The following TMEM209 variants were observed in gnomAD, a reference collection of about 807,000 sequenced individuals.
The protein encoded by TMEM209 is testicular tissue protein Li 202.
Under a neutral mutation model 76.2 loss-of-function variants are expected in TMEM209, and 65 were observed. That is an observed-to-expected ratio of 0.85 (90% CI 0.70 to 1.05). TMEM209 has a LOEUF of 1.05. Ranked by LOEUF, TMEM209 falls within the 50% of genes least tolerant of loss-of-function variation. The probability of loss-of-function intolerance (pLI) is 0.00; values close to 1 mark genes in which losing one functional copy is unlikely to be tolerated. For missense variants in TMEM209, 623 were observed against 685.5 expected (o/e 0.91, Z 1.02); for synonymous variants, 239 against 237.6 (o/e 1.01, Z -0.06).
At chr7:130,176,280 T>A (rs113590444) in intron 10 of TMEM209, among the ~76,000 whole-genome samples, 22,348 of 144,648 alleles carry the variant, frequency 0.15, 2,205 homozygotes, top group Middle Eastern at 0.24. Context: ...GCCCAGCTAA[T>A]TTTTTTTTTT....
At chr7:130,168,875 A>AC (rs1238259505) in intron 14 of TMEM209, among the ~76,000 whole-genome samples, 3 of 152,104 alleles carry the variant, frequency 2.0e-5, no homozygotes, top group African/African-American at 7.2e-5. Flanking sequence ...AAAATAAAAA[A>AC]CCCTGTTAGT....
chr7:130,167,427 T>A (rs892425712), intron 14 of TMEM209, among the ~76,000 whole-genome samples: 1 of 152,160 alleles, frequency 6.6e-6, no homozygotes, highest in African/African-American at 2.4e-5. Context: ...TGTTTGTACA[T>A]GAGTCTAAGC....
intron 1 of TMEM209, 179 bp downstream of exon 1, chr7:130,205,194 C>A: frequency 6.5e-7 from 1 of 1,532,042 alleles, no homozygotes; most frequent in Non-Finnish European, 8.7e-7. Flanking sequence ...GCTTCCCTCC[C>A]CGGCTCCTGG....
intron 8 of TMEM209, among the ~76,000 whole-genome samples, chr7:130,183,037 T>C (rs896904160): frequency 6.6e-6 from 1 of 152,188 alleles, no homozygotes; most frequent in African/African-American, 2.4e-5. Flanking sequence ...AAACTCTAAA[T>C]TTTATAGCAC....
At chr7:130,177,819 A>T (rs1035819177) in intron 10 of TMEM209, among the ~76,000 whole-genome samples, 5 of 152,164 alleles carry the variant, frequency 3.3e-5, no homozygotes. Flanking sequence ...TCCTGCTCTA[A>T]CCTTAGGGGA....
At chr7:130,171,493 A>G (rs986423100) in intron 13 of TMEM209, among the ~76,000 whole-genome samples, 2 of 151,202 alleles carry the variant, frequency 1.3e-5, no homozygotes, top group African/African-American at 2.4e-5. Flanking sequence ...AAGAACAAGG[A>G]AAAAAAAACA....
intron 13 of TMEM209, among the ~76,000 whole-genome samples, chr7:130,173,327 G>C (rs1009457893): frequency 1.3e-5 from 2 of 152,082 alleles, no homozygotes; most frequent in African/African-American, 4.8e-5. Context: ...GGGTGACAGA[G>C]CTAGACTCTG....
At chr7:130,186,122 T>C (rs904497097) in intron 6 of TMEM209, among the ~76,000 whole-genome samples, 2 of 152,174 alleles carry the variant, frequency 1.3e-5, no homozygotes, top group African/African-American at 4.8e-5. Context: ...AACAATTATA[T>C]GGTATTTATG....
At chr7:130,201,217 G>A (rs150549796) in intron 5 of TMEM209, among the ~76,000 whole-genome samples, 9 of 151,180 alleles carry the variant, frequency 6.0e-5, no homozygotes, top group East Asian at 1.9e-4. Context: ...ACACAGTAGC[G>A]ACAGCATCTG....
At chr7:130,202,812 G>A in intron 3 of TMEM209, 149 bp from the exon 4 acceptor site, 2 of 930,004 alleles carry the variant, frequency 2.2e-6, no homozygotes, top group Non-Finnish European at 2.9e-6. Context: ...AGGGTGGCTG[G>A]GCATGGTGGC....
chr7:130,188,616 A>AG (rs1252780987), intron 6 of TMEM209, among the ~76,000 whole-genome samples: 13 of 150,618 alleles, frequency 8.6e-5, no homozygotes, highest in African/African-American at 3.2e-4. Context: ...AAAAAAAAAA[A>AG]AAAAGAAAAT....
At chr7:130,205,335 C>G (rs780002607) in intron 1 of TMEM209, 38 bp downstream of exon 1, 2 of 1,613,912 alleles carry the variant, frequency 1.2e-6, no homozygotes, top group African/African-American at 1.3e-5. Context: ...CGCGTAGATT[C>G]CAAGACAGGA....
chr7:130,184,093 A>G (rs1797513333), intron 8 of TMEM209, 91 bp downstream of exon 8: 1 of 851,850 alleles, frequency 1.2e-6, no homozygotes. Context: ...CTAATATTCT[A>G]ATTTATAATG....
At chr7:130,185,429 A>T (rs1797566091) in intron 6 of TMEM209, 62 bp from the exon 7 acceptor site, 1 of 1,445,316 alleles carries the variant, frequency 6.9e-7, no homozygotes, top group South Asian at 1.4e-5. Context: ...TACAGTTAAC[A>T]CTTATATCTA....
In TMEM209 at chr7:130,185,355, G is replaced by A. The variant is rs747740431; in HGVS notation, c.788C>T (p.Ser263Phe). Reference protein sequence around the residue: ...QHRVKLGSPDSTSPSSSPTFW... With the variant: ...QHRVKLGSPDFTSPSSSPTFW... ...AGTAGGACTGCTGGAAGGAGAGGTA[G>A]AATCTGGGCTCCCTACAATTGTTAA... Residue 263 changes from serine (S) to phenylalanine (F), a missense_variant, in exon 7 of 15, where the codon TCT becomes TTT. Physicochemically the swap from Ser to Phe is radical, Grantham distance 155. Coordinates refer to ENST00000397622, the MANE Select transcript of TMEM209 (RefSeq NM_032842.4). 1.2e-6 allele frequency: 2 copies of A among 1,613,674 alleles called. No homozygotes were observed. The highest frequency in any genetic ancestry group is 1.7e-6 in the Non-Finnish European group (2 of 1,179,674).
chr7:130,202,706 G>A, intron 3 of TMEM209, 43 bp from the exon 4 acceptor site: 1 of 1,585,524 alleles, frequency 6.3e-7, no homozygotes, highest in East Asian at 2.2e-5. Context: ...GGTGAGGAGG[G>A]CATCTATTGG....
At chr7:130,167,560 TA>T (rs1340685090) in intron 14 of TMEM209, among the ~76,000 whole-genome samples, 1 of 152,190 alleles carries the variant, frequency 6.6e-6, no homozygotes, top group Non-Finnish European at 1.5e-5. Context: ...GGATTTGCTA[TA>T]TTTGCAAACC....
chr7:130,178,450 A>G lies in TMEM209; in HGVS notation c.1198T>C (p.Tyr400His), dbSNP rs759659307. The part of the protein sequence containing the change: ...LIPTLNTIVQ[Y>H]LDLTPNQEYL... ...TCCTGATTTGGAGTAAGGTCTAGAT[A>G]CTGAACGATTGTGTTCAAAGTCGGA... is the stretch of plus-strand genomic sequence containing the variant. Residue 400 changes from tyrosine (Y) to histidine (H), a missense_variant, in exon 10 of 15, where the codon TAT becomes CAT. By Grantham distance (83) the Tyr-to-His change is moderately conservative. Coordinates refer to ENST00000397622, the MANE Select transcript of TMEM209 (RefSeq NM_032842.4). 6.2e-7 allele frequency: 1 copy of G among 1,613,712 alleles called. No individual in the cohort carries two copies. The highest frequency in any genetic ancestry group is 2.2e-5 in the East Asian group (1 of 44,858).
intron 13 of TMEM209, among the ~76,000 whole-genome samples, chr7:130,171,558 C>A (rs1797067298): frequency 6.6e-6 from 1 of 151,814 alleles, no homozygotes; most frequent in Admixed American, 6.6e-5. Flanking sequence ...CTTCAATGGC[C>A]CAAAGTATTT....
Sources: gnomAD v4.1 joint callset for allele counts (sites outside exome capture counted in the v4.1 genomes callset) on GRCh38, gnomAD v4.1.1 for gene constraint, MANE v1.5 for transcripts, NCBI Gene and HGNC (gene_info 2026-07-23, HGNC 2026-07-21) for gene names.